Variants in IQSEC3 observed in about 807,000 individuals in gnomAD.
IQSEC3 encodes the protein IQ motif and SEC7 domain-containing protein 3.
IQSEC3 carries 50 observed loss-of-function variants against 105.4 expected under a neutral mutation model. The observed-to-expected ratio is 0.47, with a 90% CI of 0.38 to 0.60. The LOEUF (loss-of-function observed/expected upper bound fraction) is 0.60, where lower values mean the gene tolerates loss of function less well. Among genes scored for constraint, IQSEC3 ranks in the 20% least tolerant of loss-of-function variants. IQSEC3 has a pLI of 0.00. For synonymous variants in IQSEC3, 708 were observed against 746.0 expected (o/e 0.95, Z 0.83); for missense variants, 1,415 against 1,630.0 (o/e 0.87, Z 2.27).
chr12:164,204 C>T lies in IQSEC3; in HGVS notation c.2709+585C>T, dbSNP rs117845177. Among the ~76,000 whole-genome samples the T allele has an allele frequency of 1.2e-4, 19 of 152,260 alleles. No homozygotes were observed. In the East Asian group the frequency reaches 2.5e-3, roughly 20 times the overall value. On this transcript the variant is annotated intron_variant, in intron 9 of 13. Coordinates refer to ENST00000538872, the MANE Select transcript of IQSEC3 (RefSeq NM_001170738.2). ...AGCAGGGCTTGTGTCTCCCTCGCAC[C>T]GGCCCTCTCTATCCATGAGCCACGT...
At chr12:160,873 C>CT (rs1866865183) in intron 7 of IQSEC3, among the ~76,000 whole-genome samples, 1 of 152,194 alleles carries the variant, frequency 6.6e-6, no homozygotes, top group East Asian at 1.9e-4. Context: ...CCCCTGTTCT[C>CT]TGTCTTTGTG....
At chr12:97,000 C>G (rs1052038351) in intron 1 of IQSEC3, among the ~76,000 whole-genome samples, 3 of 152,238 alleles carry the variant, frequency 2.0e-5, no homozygotes, top group African/African-American at 7.2e-5. Context: ...ACCAACCAGT[C>G]TGATGGATGA....
intron 11 of IQSEC3, 132 bp downstream of exon 11, chr12:166,022 C>A: frequency 2.1e-6 from 2 of 943,604 alleles, no homozygotes; most frequent in Non-Finnish European, 3.1e-6. Flanking sequence ...CAGGCCCCAC[C>A]GCACCACACT....
At chr12:107,689 C>G (rs543751874) in intron 2 of IQSEC3, among the ~76,000 whole-genome samples, 53 of 151,972 alleles carry the variant, frequency 3.5e-4, no homozygotes, top group Non-Finnish European at 6.2e-4. Flanking sequence ...GGATTACAGG[C>G]GTGAGCCACC....
intron 3 of IQSEC3, 76 bp downstream of exon 3, chr12:125,988 A>T (rs535747764): frequency 1.6e-5 from 22 of 1,397,852 alleles, no homozygotes; most frequent in Middle Eastern, 5.1e-4. Flanking sequence ...GGTACCAGGG[A>T]TATCCCCGCT....
At position 108,029 on chromosome 12, in the gene IQSEC3, G is replaced by A. The variant is rs116703658; in HGVS notation, c.623+8815G>A. Reference sequence around the variant, plus strand: ...ACCACCTTAGGGATATCTGGGATTAGGCCAAATAGTTTAACTTCTACCTCC... The same window carrying A: ...ACCACCTTAGGGATATCTGGGATTAAGCCAAATAGTTTAACTTCTACCTCC... On this transcript the variant is annotated intron_variant, in intron 2 of 13. Coordinates refer to ENST00000538872, the MANE Select transcript of IQSEC3 (RefSeq NM_001170738.2). Among the ~76,000 whole-genome samples the A allele has an allele frequency of 7.7e-3, 1,172 of 152,278 alleles. 17 individuals carry two copies. Among genetic ancestry groups the A allele is most frequent in the African/African-American group, 0.027 (1,122 of 41,548 alleles).
chr12:85,477 G>C (rs1487237214), intron 1 of IQSEC3, among the ~76,000 whole-genome samples: 4 of 152,242 alleles, frequency 2.6e-5, no homozygotes, highest in Non-Finnish European at 4.4e-5. Context: ...AAGTCTGCTG[G>C]AGTTCAAAGA....
rs539003760 is a variant in IQSEC3, at chr12:174,368, C to T, written c.3115-231C>T. Among the ~76,000 whole-genome samples the T allele has an allele frequency of 3.2e-4, 48 of 152,288 alleles. No individual in the cohort carries two copies. In the South Asian group the frequency reaches 8.9e-3, roughly 28 times the overall value. On this transcript the variant is annotated intron_variant, in intron 13 of 13. Coordinates refer to ENST00000538872, the MANE Select transcript of IQSEC3 (RefSeq NM_001170738.2). The stretch of plus-strand genomic sequence containing the variant: ...AGATGAAGAGACTGAGGCCGTACAG[C>T]GACACTGCTCACAGTCAGTGGCAGA...
At position 157,446 on chromosome 12, in the gene IQSEC3, C is replaced by T. The variant is rs544704922; in HGVS notation, c.2277-82C>T. 144 of 1,449,640 alleles carry T rather than the reference C, an allele frequency of 9.9e-5. No homozygotes were observed. In the African/African-American group the frequency reaches 1.6e-3, roughly 16 times the overall value. 89.8% of individuals were successfully genotyped at this position (1,449,640 alleles called of 1,614,324 possible). The stretch of plus-strand genomic sequence containing the variant: ...AAGCCTTCGGAGAGCTGGGATACCC[C>T]CTGGACACCCCCTTCCTTTGTTGGG... On this transcript the variant is annotated intron_variant, in intron 6 of 13. Coordinates refer to ENST00000538872, the MANE Select transcript of IQSEC3 (RefSeq NM_001170738.2).
chr12:174,981 G>A lies in IQSEC3; in HGVS notation c.3497G>A (p.Gly1166Asp). The change falls in exon 14 of 14, where the codon GGC (glycine) becomes GAC (aspartate). Residue 1166 changes from glycine to aspartate, a missense_variant. Coordinates refer to ENST00000538872, the MANE Select transcript of IQSEC3 (RefSeq NM_001170738.2). Reference protein sequence around the residue: ...YNHPHQFCPPGSLLHGHRYSS... With the variant: ...YNHPHQFCPPDSLLHGHRYSS... The stretch of plus-strand genomic sequence containing the variant: ...CACCCTCACCAGTTCTGTCCCCCAG[G>A]CTCCCTGCTGCACGGGCACCGCTAC... 1.3e-6 allele frequency: 2 copies of A among 1,548,122 alleles called. No individual in the cohort carries two copies. Among genetic ancestry groups the A allele is most frequent in the Non-Finnish European group, 1.7e-6 (2 of 1,154,476 alleles).
intron 1 of IQSEC3, among the ~76,000 whole-genome samples, chr12:76,984 A>C (rs1863557985): frequency 6.6e-6 from 1 of 152,282 alleles, no homozygotes; most frequent in Admixed American, 6.5e-5. Flanking sequence ...TTCCTTGATG[A>C]ATGATTCCTA....
In IQSEC3 at chr12:162,044, G is replaced by C; in HGVS notation, c.2562G>C (p.Lys854Asn). 6.2e-7 allele frequency: 1 copy of C among 1,613,778 alleles called. No individual in the cohort carries two copies. Among genetic ancestry groups the C allele is most frequent in the South Asian group, 1.1e-5 (1 of 91,076 alleles). ...DHVTYVTKVE[K>N]SIVGMKTVLS... ...TCACGTACGTCACCAAGGTGGAGAA[G>C]TCCATTGTGGGCATGAAGACAGTGA... Residue 854 changes from lysine to asparagine, a missense_variant, in exon 8 of 14, where the codon AAG becomes AAC. Lys to Asn is a moderately conservative substitution (Grantham distance 94, BLOSUM62 0). Transcript: ENST00000538872.
chr12:138,855 T>C lies in IQSEC3; in HGVS notation c.1492T>C (p.Ser498Pro). The change falls in exon 4 of 14, where the codon TCC becomes CCC. Residue 498 changes from serine (S) to proline (P), a missense_variant. Physicochemically the swap from Ser to Pro is moderately conservative, Grantham distance 74. Transcript: ENST00000538872. This position sits in a 1 kb window ranked among gnomAD's most constrained non-coding sequence, Gnocchi z 7.1. ...VTVQIANQNI[S>P]VSSSTALSVA... Reference sequence around the variant, plus strand: ...GGTGCAGATCGCCAACCAGAACATATCCGTCTCCTCCTCCACGGCTCTGTC... The same window carrying C: ...GGTGCAGATCGCCAACCAGAACATACCCGTCTCCTCCTCCACGGCTCTGTC... 1.9e-6 allele frequency: 3 copies of C among 1,612,032 alleles called. No homozygotes were observed. Among genetic ancestry groups the C allele is most frequent in the Non-Finnish European group, 2.5e-6 (3 of 1,179,348 alleles).
chr12:156,918 T>C (rs1866707158), intron 5 of IQSEC3, 107 bp from the exon 6 acceptor site: 4 of 1,317,472 alleles, frequency 3.0e-6, no homozygotes, highest in Non-Finnish European at 3.9e-6. Flanking sequence ...GTGAGTAGCC[T>C]GAGGGGCCCT....
At chr12:171,334 C>A in intron 13 of IQSEC3, 173 bp downstream of exon 13, 1 of 1,612,098 alleles carries the variant, frequency 6.2e-7, no homozygotes, top group Non-Finnish European at 8.5e-7. Context: ...TGGGTAATGC[C>A]ACTGTTCCAG....
chr12:118,524 T>C lies in IQSEC3; in HGVS notation c.624-7109T>C, dbSNP rs948670575. On this transcript the variant is annotated intron_variant, in intron 2 of 13. Transcript: ENST00000538872. ...GAATGGCTGGCAGAGTCTGGGATAA[T>C]CTAGTGCAATTGGCCAGGCCCTCTG... 2.6e-5 allele frequency among the ~76,000 whole-genome samples: 4 copies of C among 152,048 alleles called. 1 individual carries two copies. Among genetic ancestry groups the C allele is most frequent in the Non-Finnish European group, 5.9e-5 (4 of 67,994 alleles).
At chr12:120,464 G>A (rs967539152) in intron 2 of IQSEC3, among the ~76,000 whole-genome samples, 15 of 152,178 alleles carry the variant, frequency 9.9e-5, no homozygotes, top group Admixed American at 5.2e-4. Context: ...AGTCACTGAC[G>A]GGTTTGGGCA....
chr12:170,979 T>A, intron 12 of IQSEC3, 133 bp from the exon 13 acceptor site: 8 of 1,077,848 alleles, frequency 7.4e-6, no homozygotes, highest in Non-Finnish European at 1.1e-5. Context: ...AGAGTGGGGC[T>A]CCCAACCTCC....
rs144152224 is a variant in IQSEC3, at chr12:165,454, G to A, written c.2730G>A (p.Lys910=). ...AACAGATTCTCAAACTTTGCCCGAA[G>A]AAGAAGAGCTCCTCCACGTACACCT... is the stretch of plus-strand genomic sequence containing the variant. The part of the protein sequence containing the change: ...DLLVILKLCP[K]KKSSSTYTFC... The change falls in exon 10 of 14, where the codon AAG becomes AAA. Residue 910 remains lysine (K), a synonymous_variant. Transcript: ENST00000538872. 5.0e-6 allele frequency: 8 copies of A among 1,614,002 alleles called. No homozygotes were observed. The African/African-American group carries it at 8.0e-5, about 16-fold the overall frequency.
Sources: gnomAD v4.1 joint callset for allele counts (sites outside exome capture counted in the v4.1 genomes callset) on GRCh38, gnomAD v4.1.1 for gene constraint, Gnocchi (gnomAD v3.1) non-coding constraint, MANE v1.5 for transcripts, NCBI Gene and HGNC (gene_info 2026-07-23, HGNC 2026-07-21) for gene names.